The following UPRT variants were observed in gnomAD, a reference collection of about 807,000 sequenced individuals.
The protein encoded by UPRT is uracil phosphoribosyltransferase homolog.
A neutral mutation model predicts 22.6 loss-of-function variants in UPRT; 5 were observed. The ratio of observed to expected loss-of-function variants is 0.22; its 90% CI spans 0.12 to 0.47. The LOEUF is 0.47. UPRT is among the 20% of genes least tolerant of loss of function. The pLI is 0.99. For synonymous variants in UPRT, 77 were observed against 87.7 expected (o/e 0.88, Z 0.68); for missense variants, 181 against 239.9 (o/e 0.75, Z 1.62).
intron 4 of UPRT, among the ~76,000 whole-genome samples, chrX:75,204,178 G>C (rs936875089): frequency 1.8e-5 from 2 of 110,156 alleles, no homozygotes; most frequent in African/African-American, 6.6e-5. Flanking sequence ...ATTAGGAGGA[G>C]GAAGATTAGG....
chrX:75,228,507 C>T (rs2082429352), intron 4 of UPRT, among the ~76,000 whole-genome samples: 1 of 112,113 alleles, frequency 8.9e-6, no homozygotes, highest in Non-Finnish European at 1.9e-5. Flanking sequence ...GTTTATTTCA[C>T]TCCTTCCTTG....
intron 4 of UPRT, among the ~76,000 whole-genome samples, chrX:75,230,203 T>C (rs1000035601): frequency 9.0e-6 from 1 of 111,039 alleles, no homozygotes; most frequent in Non-Finnish European, 1.9e-5. Context: ...CCTGGGAACA[T>C]AACTCCATTG....
At chrX:75,201,318 G>C (rs753572560) in intron 4 of UPRT, among the ~76,000 whole-genome samples, 12 of 112,355 alleles carry the variant, frequency 1.1e-4, no homozygotes, top group Non-Finnish European at 1.9e-4. Context: ...TTCTTTTATG[G>C]CACCTGTTTC....
At chrX:75,173,935 G>C (rs1238619711) in intron 4 of UPRT, among the ~76,000 whole-genome samples, 2 of 111,357 alleles carry the variant, frequency 1.8e-5, no homozygotes, top group Admixed American at 1.9e-4. Context: ...ACTCCAGCTG[G>C]CCCACAAGCG....
Position 75,297,676 on chromosome X carries a change from G to A in UPRT, c.562+123G>A, listed in dbSNP as rs1602498317. Reference sequence around the variant, plus strand: ...TGCCTTTAGTTAAATCTCACTACCTGTGTTATCTAGCCTCATGGTGCTGTG... The same window carrying A: ...TGCCTTTAGTTAAATCTCACTACCTATGTTATCTAGCCTCATGGTGCTGTG... On this transcript the variant is annotated intron_variant, in intron 4 of 6. Transcript: ENST00000373383. 6.4e-6 allele frequency: 5 copies of A among 779,605 alleles called. No individual in the cohort carries two copies. The East Asian group carries it at 1.7e-4, about 26-fold the overall frequency. 64.2% of individuals were successfully genotyped at this position (779,605 alleles called of 1,213,427 possible).
chrX:75,253,671 A>G (rs1006331942), intron 4 of UPRT, among the ~76,000 whole-genome samples: 2 of 112,174 alleles, frequency 1.8e-5, no homozygotes, highest in Admixed American at 1.9e-4. Context: ...CAGGTAACCT[A>G]AGAGGACCCA....
At chrX:75,276,063 A>C (rs2082630129) in intron 1 of UPRT, among the ~76,000 whole-genome samples, 1 of 111,239 alleles carries the variant, frequency 9.0e-6, no homozygotes, top group Non-Finnish European at 1.9e-5. Context: ...AACAATTCTG[A>C]AACATATCTG....
chrX:75,263,216 CGAT>C (rs2082574953), intron 4 of UPRT, among the ~76,000 whole-genome samples: 1 of 111,228 alleles, frequency 9.0e-6, no homozygotes, highest in African/African-American at 3.3e-5. Context: ...TTTGGTATCA[CGAT>C]GATGCTGGCC....
At chrX:75,213,422 A>G (rs143232916) in intron 4 of UPRT, among the ~76,000 whole-genome samples, 1,729 of 111,839 alleles carry the variant, frequency 0.015, 35 homozygotes, top group African/African-American at 0.054. Context: ...TAAAAATCCT[A>G]TTTTTGGCAA....
At chrX:75,205,140 G>A (rs993338432) in intron 4 of UPRT, among the ~76,000 whole-genome samples, 2 of 109,927 alleles carry the variant, frequency 1.8e-5, no homozygotes, top group African/African-American at 3.3e-5. Context: ...GGAGGCCGAG[G>A]CGGGTGGATC....
At chrX:75,243,026 A>G (rs776921273) in intron 4 of UPRT, among the ~76,000 whole-genome samples, 1 of 111,513 alleles carries the variant, frequency 9.0e-6, no homozygotes, top group South Asian at 3.7e-4. Flanking sequence ...AGTCATCTTA[A>G]TTATTTCAGG....
chrX:75,206,910 C>T (rs1473768788), intron 4 of UPRT, among the ~76,000 whole-genome samples: 2 of 112,255 alleles, frequency 1.8e-5, no homozygotes, highest in Admixed American at 9.4e-5. Flanking sequence ...GTGATCTGCC[C>T]GCCTTGGCCT....
chrX:75,272,138 C>T (rs908239794), upstream of UPRT, among the ~76,000 whole-genome samples: 1 of 108,182 alleles, frequency 9.2e-6, no homozygotes, highest in African/African-American at 3.4e-5. Context: ...TGGGTATCTA[C>T]CCAGAGGAAA....
At chrX:75,237,559 C>G (rs1287246454) in intron 4 of UPRT, among the ~76,000 whole-genome samples, 2 of 110,113 alleles carry the variant, frequency 1.8e-5, no homozygotes, top group Non-Finnish European at 3.8e-5. Context: ...AAATGTCCAA[C>G]AATGATAGAC....
chrX:75,270,986 A>G (rs903832663), upstream of UPRT, among the ~76,000 whole-genome samples: 3 of 111,902 alleles, frequency 2.7e-5, no homozygotes, highest in Non-Finnish European at 3.8e-5. Context: ...TCTACAAGGA[A>G]AATTCAAAAC....
At chrX:75,217,882 T>C (rs1490060344) in intron 4 of UPRT, among the ~76,000 whole-genome samples, 24 of 111,912 alleles carry the variant, frequency 2.1e-4, no homozygotes, top group Non-Finnish European at 3.4e-4. Flanking sequence ...ATACAAAAAT[T>C]AATTCAAGAT....
At chrX:75,272,373 T>C (rs1303334903), upstream of UPRT, among the ~76,000 whole-genome samples, 2 of 89,429 alleles carry the variant, frequency 2.2e-5, no homozygotes, top group Admixed American at 1.3e-4. Context: ...TATATATATA[T>C]GTATATATAT....
chrX:75,297,593 A>G (rs780270508), intron 4 of UPRT, 40 bp downstream of exon 4: 1 of 1,184,099 alleles, frequency 8.4e-7, no homozygotes, highest in Non-Finnish European at 1.1e-6. Flanking sequence ...CTTTGTATGC[A>G]TAGAAATGGT....
Position 75,177,338 on chromosome X carries a change from C to G in UPRT, c.-447+9459C>G, listed in dbSNP as rs776813809. ...AGCAGCAGAAACGCTAGTTTTCCTC[C>G]CAGACCACATGGAGGACCGAGGAAG... is the stretch of plus-strand genomic sequence containing the variant. On this transcript the variant is annotated intron_variant, in intron 4 of 13. Coordinates refer to the UPRT transcript ENST00000652605. Among the ~76,000 whole-genome samples the G allele has an allele frequency of 2.7e-5, 3 of 111,817 alleles. No individual in the cohort carries two copies. In the Admixed American group the frequency reaches 2.8e-4, roughly 11 times the overall value.
Sources: allele counts gnomAD v4.1 joint callset (sites outside exome capture counted in the v4.1 genomes callset), GRCh38; gene constraint gnomAD v4.1.1; transcripts MANE v1.5; gene names NCBI Gene and HGNC (gene_info 2026-07-23, HGNC 2026-07-21).